ADK: variants seen among roughly 807,000 people sequenced by gnomAD.
ADK encodes the protein N6,N6-dimethyladenosine kinase.
A neutral mutation model predicts 44.7 loss-of-function variants in ADK; 24 were observed. The observed-to-expected ratio is 0.54, with a 90% confidence interval of 0.39 to 0.76. The LOEUF (loss-of-function observed/expected upper bound fraction) is 0.76. Ranked by LOEUF, ADK falls within the 30% of genes least tolerant of loss-of-function variation. The pLI is 0.00. For missense variants in ADK, 321 were observed against 425.1 expected, an observed-to-expected ratio of 0.76 and a Z score of 2.15; for synonymous variants, 128 against 142.6, an observed-to-expected ratio of 0.90 and a Z score of 0.73.
chr10:74,163,307 C>T (rs1564567539), intron 1 of ADK, among the ~76,000 whole-genome samples: 1 of 152,172 alleles, frequency 6.6e-6, no homozygotes, highest in Non-Finnish European at 1.5e-5. Context: ...GATGTCTTCA[C>T]TCATTCTTTC....
At chr10:74,351,070 T>C (rs1841947693) in intron 4 of ADK, among the ~76,000 whole-genome samples, 1 of 152,176 alleles carries the variant, frequency 6.6e-6, no homozygotes. Context: ...CCTCCCTAAC[T>C]CATTTTATGA....
chr10:74,323,927 A>G (rs190400886), intron 4 of ADK, among the ~76,000 whole-genome samples: 13 of 151,614 alleles, frequency 8.6e-5, no homozygotes, highest in Non-Finnish European at 1.5e-4. Flanking sequence ...GTCATTCCCC[A>G]TTTCTCTCTC....
chr10:74,427,389 G>A (rs893888852), intron 6 of ADK, among the ~76,000 whole-genome samples: 1 of 151,950 alleles, frequency 6.6e-6, no homozygotes. Flanking sequence ...TAGTAGAGAC[G>A]GGGTTTCACC....
chr10:74,680,525 A>T (rs995061597), intron 10 of ADK, among the ~76,000 whole-genome samples: 3 of 147,104 alleles, frequency 2.0e-5, no homozygotes, highest in Non-Finnish European at 4.5e-5. Context: ...GTATGTCTGA[A>T]TTTTTTTTTT....
At chr10:74,395,087 T>G (rs1469476458) in intron 5 of ADK, among the ~76,000 whole-genome samples, 2 of 152,186 alleles carry the variant, frequency 1.3e-5, no homozygotes, top group Non-Finnish European at 2.9e-5. Context: ...GCCCTAGCTA[T>G]TATATTGTTG....
chr10:74,288,722 A>T lies in ADK; in HGVS notation c.195-25945A>T, dbSNP rs560751663. On this transcript the variant is annotated intron_variant, in intron 3 of 10. Coordinates refer to ENST00000539909, the MANE Select transcript of ADK (RefSeq NM_006721.4). ...AAAGTCTTATTACGTTTTTCTGGCC[A>T]AAATTTATAAACTTTTAAAATATTT... Among the ~76,000 whole-genome samples, 15 of 152,336 alleles carry T rather than the reference A, an allele frequency of 9.8e-5. No individual in the cohort carries two copies. In the East Asian group the frequency reaches 2.7e-3, roughly 27 times the overall value.
At chr10:74,414,512 G>A (rs1260462420) in intron 6 of ADK, among the ~76,000 whole-genome samples, 1 of 152,110 alleles carries the variant, frequency 6.6e-6, no homozygotes, top group East Asian at 1.9e-4. Flanking sequence ...GAGGTGGGCA[G>A]ATCACTTGAG....
intron 4 of ADK, chr10:74,371,784 C>T (rs1842666254): frequency 7.6e-7 from 1 of 1,308,660 alleles, no homozygotes; most frequent in Non-Finnish European, 1.1e-6. Flanking sequence ...GAATATTGGC[C>T]AAAGGGCTGT....
At chr10:74,403,133 A>G (rs1843776860) in intron 6 of ADK, among the ~76,000 whole-genome samples, 1 of 152,026 alleles carries the variant, frequency 6.6e-6, no homozygotes, top group Non-Finnish European at 1.5e-5. Flanking sequence ...GCCCAGTTGT[A>G]TGAGGTGTCT....
intron 3 of ADK, among the ~76,000 whole-genome samples, chr10:74,256,064 G>A (rs1249596984): frequency 6.6e-6 from 1 of 152,198 alleles, no homozygotes; most frequent in Non-Finnish European, 1.5e-5. Context: ...AGTGGCGATA[G>A]GCTTAAGCTT....
intron 3 of ADK, among the ~76,000 whole-genome samples, chr10:74,227,660 A>T (rs368428684): frequency 6.6e-6 from 1 of 152,210 alleles, no homozygotes; most frequent in African/African-American, 2.4e-5. Context: ...CCTGGCCAAG[A>T]TGGTGAAACC....
intron 7 of ADK, chr10:74,529,363 G>A (rs558592040): frequency 6.6e-6 from 1 of 152,172 alleles, no homozygotes; most frequent in Admixed American, 6.5e-5. Flanking sequence ...AGTGGGGTGG[G>A]GAGGAATGAG....
intron 6 of ADK, among the ~76,000 whole-genome samples, chr10:74,523,392 C>T (rs117304908): frequency 0.011 from 1,623 of 152,282 alleles, 17 homozygotes; most frequent in Middle Eastern, 0.017. Context: ...TTCTCTACTT[C>T]CCCATAGCAC....
chr10:74,360,845 A>T (rs1390976712), intron 4 of ADK, among the ~76,000 whole-genome samples: 1 of 152,016 alleles, frequency 6.6e-6, no homozygotes. Flanking sequence ...AGGTGAAATG[A>T]GTTTCTTGTA....
intron 10 of ADK, among the ~76,000 whole-genome samples, chr10:74,672,717 A>G (rs1250283714): frequency 2.0e-5 from 3 of 152,222 alleles, no homozygotes; most frequent in African/African-American, 4.8e-5. Flanking sequence ...CTACAAAGTA[A>G]TAGCAATAGA....
intron 3 of ADK, among the ~76,000 whole-genome samples, chr10:74,279,078 A>G (rs1846814681): frequency 6.6e-6 from 1 of 151,444 alleles, no homozygotes; most frequent in Admixed American, 6.6e-5. Context: ...CAGGAATTCA[A>G]GACCAGCATG....
chr10:74,177,020 C>T, intron 1 of ADK: 1 of 1,279,698 alleles, frequency 7.8e-7, no homozygotes, highest in Non-Finnish European at 1.1e-6. Flanking sequence ...TGGGGGTTCC[C>T]TCCGCACTTT....
intron 3 of ADK, among the ~76,000 whole-genome samples, chr10:74,290,585 C>G (rs1183428789): frequency 6.6e-6 from 1 of 150,912 alleles, no homozygotes; most frequent in East Asian, 1.9e-4. Flanking sequence ...ATGAAAGAGA[C>G]AAGTGTTTTA....
At chr10:74,642,274 A>T (rs987824632) in intron 9 of ADK, among the ~76,000 whole-genome samples, 4 of 152,116 alleles carry the variant, frequency 2.6e-5, no homozygotes, top group African/African-American at 7.2e-5. Context: ...AGTAAATATT[A>T]ATAAATATGA....
Sources: allele counts gnomAD v4.1 joint callset (sites outside exome capture counted in the v4.1 genomes callset), GRCh38; gene constraint gnomAD v4.1.1; transcripts MANE v1.5; gene names NCBI Gene and HGNC (gene_info 2026-07-23, HGNC 2026-07-21).